Variants in UBE2E1 observed in about 807,000 individuals in gnomAD.
UBE2E1 encodes the protein ubiquitin-conjugating enzyme E2 E1.
In UBE2E1, 6 loss-of-function variants were observed where a neutral mutation model predicts 21.4. That is an observed-to-expected ratio of 0.28 (90% CI 0.15 to 0.55). UBE2E1 has a LOEUF of 0.55. Among genes scored for constraint, UBE2E1 ranks in the 20% least tolerant of loss-of-function variants. The pLI is 0.93. For missense variants in UBE2E1, 142 were observed against 236.5 expected (o/e 0.60, Z 2.62); for synonymous variants, 87 against 82.7 (o/e 1.05, Z -0.28).
intron 3 of UBE2E1, among the ~76,000 whole-genome samples, chr3:23,884,030 T>A (rs1024692993): frequency 7.9e-5 from 12 of 152,220 alleles, no homozygotes; most frequent in African/African-American, 2.4e-4. Flanking sequence ...TACTGCATTT[T>A]CTTCAGGGTC....
chr3:23,854,363 A>G (rs1700391643), intron 3 of UBE2E1, among the ~76,000 whole-genome samples: 1 of 152,186 alleles, frequency 6.6e-6, no homozygotes, highest in Non-Finnish European at 1.5e-5. Context: ...GATGTTTTTA[A>G]AGCTTACCTC....
Position 23,811,363 on chromosome 3 carries a change from C to G in UBE2E1, c.153-97C>G, listed in dbSNP as rs1699387541. The G allele has an allele frequency of 4.4e-6, 5 of 1,137,570 alleles. No individual in the cohort carries two copies. In the Middle Eastern group the frequency reaches 6.0e-4, roughly 136 times the overall value. 70.5% of individuals were successfully genotyped at this position (1,137,570 alleles called of 1,614,324 possible). ...TCTTTGCCCAGTAGAATCCAGTGAT[C>G]GCGCTTAGGTTTATCTGCAGACCTG... is the stretch of plus-strand genomic sequence containing the variant. On this transcript the variant is annotated intron_variant, in intron 2 of 5. Coordinates refer to ENST00000306627, the MANE Select transcript of UBE2E1 (RefSeq NM_003341.5).
At chr3:23,813,051 T>C (rs1349329762) in intron 3 of UBE2E1, among the ~76,000 whole-genome samples, 2 of 151,826 alleles carry the variant, frequency 1.3e-5, no homozygotes, top group African/African-American at 4.8e-5. Context: ...ACTGAGTTTA[T>C]GTGTGAAAGA....
intron 3 of UBE2E1, among the ~76,000 whole-genome samples, chr3:23,860,618 A>G (rs1276965757): frequency 6.6e-6 from 1 of 152,186 alleles, no homozygotes; most frequent in South Asian, 2.1e-4. Flanking sequence ...AACAAGCACA[A>G]CCCAACCAAC....
chr3:23,887,347 T>C lies in UBE2E1; in HGVS notation c.204-220T>C, dbSNP rs1701211512. On this transcript the variant is annotated intron_variant, in intron 3 of 5. Coordinates refer to ENST00000306627, the MANE Select transcript of UBE2E1 (RefSeq NM_003341.5). The surrounding 1 kb of genome is among the most constrained non-coding windows in gnomAD (Gnocchi z 4.4). Reference sequence around the variant, plus strand: ...AGTTTCCTGCTTATTCGTAGCTAGGTAGGCTTAGAATGGTTTTAACATTCT... The same window carrying C: ...AGTTTCCTGCTTATTCGTAGCTAGGCAGGCTTAGAATGGTTTTAACATTCT... Among the ~76,000 whole-genome samples the C allele has an allele frequency of 6.6e-6, 1 of 152,252 alleles. No homozygotes were observed. The highest frequency in any genetic ancestry group is 2.4e-5 in the African/African-American group (1 of 41,464).
intron 3 of UBE2E1, among the ~76,000 whole-genome samples, chr3:23,872,783 C>T (rs536785698): frequency 6.6e-6 from 1 of 152,282 alleles, no homozygotes; most frequent in East Asian, 1.9e-4. Flanking sequence ...CTTTGGGAGG[C>T]CAAGGCAGGT....
chr3:23,829,395 G>A (rs11712088), intron 3 of UBE2E1, among the ~76,000 whole-genome samples: 1,582 of 151,356 alleles, frequency 0.01, 18 homozygotes, highest in Admixed American at 0.025. Flanking sequence ...CCTAAGCTCA[G>A]ATGATCCTCC....
intron 3 of UBE2E1, among the ~76,000 whole-genome samples, chr3:23,817,248 G>T (rs1699543599): frequency 6.6e-6 from 1 of 151,930 alleles, no homozygotes; most frequent in African/African-American, 2.4e-5. Context: ...TTTGACACCA[G>T]ACTGGCCAAC....
intron 3 of UBE2E1, among the ~76,000 whole-genome samples, chr3:23,838,009 A>G (rs1700006434): frequency 6.9e-6 from 1 of 144,130 alleles, no homozygotes; most frequent in Middle Eastern, 3.5e-3. Context: ...CTAATAAGTG[A>G]TAGCTGGTAC....
At chr3:23,856,335 A>G (rs1700436684) in intron 3 of UBE2E1, among the ~76,000 whole-genome samples, 1 of 152,210 alleles carries the variant, frequency 6.6e-6, no homozygotes, top group Non-Finnish European at 1.5e-5. Flanking sequence ...TTCTTATATC[A>G]TACTGTTAAG....
intron 3 of UBE2E1, among the ~76,000 whole-genome samples, chr3:23,869,351 C>CTT (rs58059005): frequency 0.039 from 4,370 of 112,984 alleles, 90 homozygotes; most frequent in Admixed American, 0.064. Flanking sequence ...TTATGGTATC[C>CTT]TTTTTTTTTT....
At position 23,810,659 on chromosome 3, in the gene UBE2E1, T is replaced by A. The variant is rs1699368734; in HGVS notation, c.153-801T>A. ...GTGGCGGGCGGGGGTGTTCGCGCCC[T>A]GCTTTCGCGCGCGGTCTCGGGCCAA... On this transcript the variant is annotated intron_variant, in intron 2 of 5. Coordinates refer to ENST00000306627, the MANE Select transcript of UBE2E1 (RefSeq NM_003341.5). The surrounding 1 kb of genome is among the most constrained non-coding windows in gnomAD (Gnocchi z 5.8). 1 of 842,608 alleles carries A rather than the reference T, an allele frequency of 1.2e-6. No individual in the cohort carries two copies. Among genetic ancestry groups the A allele is most frequent in the East Asian group, 3.1e-5 (1 of 31,762 alleles). 52.2% of individuals were successfully genotyped at this position (842,608 alleles called of 1,614,324 possible).
At chr3:23,861,520 G>A (rs967172867) in intron 3 of UBE2E1, among the ~76,000 whole-genome samples, 2 of 152,168 alleles carry the variant, frequency 1.3e-5, no homozygotes, top group African/African-American at 2.4e-5. Flanking sequence ...CAGCCTTCAC[G>A]TCCAAATGTT....
intron 3 of UBE2E1, chr3:23,879,422 A>T: frequency 6.7e-6 from 3 of 450,520 alleles, no homozygotes; most frequent in Non-Finnish European, 1.3e-5. Flanking sequence ...GTACAAACCC[A>T]GGAAAACAGT....
At chr3:23,807,514 C>CTA in intron 2 of UBE2E1, 93 bp downstream of exon 2, 1 of 1,476,188 alleles carries the variant, frequency 6.8e-7, no homozygotes, top group Non-Finnish European at 9.1e-7. Context: ...AGCTTAAACG[C>CTA]TCCTCATGGT....
intron 3 of UBE2E1, among the ~76,000 whole-genome samples, chr3:23,883,856 C>T (rs2125328512): frequency 6.9e-6 from 1 of 145,270 alleles, no homozygotes; most frequent in Non-Finnish European, 1.5e-5. Context: ...GGGGAGGTTG[C>T]AGTGAGCTGA....
chr3:23,877,081 A>G (rs1700931679), intron 3 of UBE2E1, among the ~76,000 whole-genome samples: 2 of 152,174 alleles, frequency 1.3e-5, no homozygotes, highest in African/African-American at 2.4e-5. Flanking sequence ...TGGCTTCTCA[A>G]ACTTTAATGT....
chr3:23,807,059 A>G (rs1396189842), intron 1 of UBE2E1, 178 bp from the exon 2 acceptor site: 1 of 492,406 alleles, frequency 2.0e-6, no homozygotes, highest in Non-Finnish European at 3.5e-6. Flanking sequence ...GCCAAAAATA[A>G]ACAAGCCGCG....
At chr3:23,851,406 T>C (rs1700322221) in intron 3 of UBE2E1, among the ~76,000 whole-genome samples, 2 of 152,210 alleles carry the variant, frequency 1.3e-5, no homozygotes, top group African/African-American at 4.8e-5. Context: ...TAGGATCCGC[T>C]TGTCAATTTC....
Sources: allele counts gnomAD v4.1 joint callset (sites outside exome capture counted in the v4.1 genomes callset), GRCh38; gene constraint gnomAD v4.1.1; non-coding constraint Gnocchi (gnomAD v3.1); transcripts MANE v1.5; gene names NCBI Gene and HGNC (gene_info 2026-07-23, HGNC 2026-07-21).